Variants in CLNS1A observed in about 807,000 individuals in gnomAD.
CLNS1A encodes the protein chloride nucleotide-sensitive channel 1A.
A neutral mutation model predicts 29.4 loss-of-function variants in CLNS1A; 16 were observed. That is an observed-to-expected ratio of 0.54 (90% confidence interval 0.37 to 0.83). The LOEUF is 0.83. Among genes scored for constraint, CLNS1A ranks in the 40% least tolerant of loss-of-function variants. CLNS1A has a pLI of 0.00. For missense variants in CLNS1A, 235 were observed against 287.4 expected (o/e 0.82, Z 1.32); for synonymous variants, 96 against 104.8 (o/e 0.92, Z 0.51).
At chr11:77,626,121 C>CT (rs999152741) in intron 2 of CLNS1A, among the ~76,000 whole-genome samples, 1 of 151,990 alleles carries the variant, frequency 6.6e-6, no homozygotes, top group Non-Finnish European at 1.5e-5. Context: ...TAAGGGTCAA[C>CT]TTTTTTTTCT....
intron 3 of CLNS1A, 68 bp downstream of exon 3, chr11:77,625,649 G>C: frequency 1.8e-6 from 2 of 1,083,256 alleles, no homozygotes; most frequent in South Asian, 3.2e-5. Context: ...GTGTGTGTAT[G>C]TGTGTGTGTG....
intron 5 of CLNS1A, among the ~76,000 whole-genome samples, chr11:77,621,598 G>T (rs1180835901): frequency 6.6e-6 from 1 of 152,068 alleles, no homozygotes; most frequent in Non-Finnish European, 1.5e-5. Flanking sequence ...AGCCAAGATC[G>T]TGCCATTGCA....
chr11:77,629,981 G>T, intron 1 of CLNS1A, 82 bp from the exon 2 acceptor site: 1 of 1,294,000 alleles, frequency 7.7e-7, no homozygotes. Flanking sequence ...GTTCAGCTTG[G>T]ACACCTTTAT....
At chr11:77,617,178 A>C (rs1274465756) in intron 6 of CLNS1A, among the ~76,000 whole-genome samples, 1 of 151,878 alleles carries the variant, frequency 6.6e-6, no homozygotes, top group Non-Finnish European at 1.5e-5. Context: ...GACCAGCCTT[A>C]CCAAACATGG....
In CLNS1A at chr11:77,624,988, T is replaced by C. The variant is rs1489004003; in HGVS notation, c.447A>G (p.Gly149=). Residue 149 remains glycine (G), a synonymous_variant, in exon 4 of 7, where the codon GGA becomes GGG. Transcript: ENST00000525428. ...CATGTGCTTCCACATCATATTCTTCTCCATCGTAGTCATCTGAATCCTCAT... is the reference window on the plus strand; with the variant it reads ...CATGTGCTTCCACATCATATTCTTCCCCATCGTAGTCATCTGAATCCTCAT... The part of the protein sequence containing the change: ...PEDEDSDDYD[G]EEYDVEAHEQ... 1.1e-5 allele frequency: 18 copies of C among 1,612,800 alleles called. No homozygotes were observed. The highest frequency in any genetic ancestry group is 1.5e-5 in the Non-Finnish European group (18 of 1,179,150).
chr11:77,622,012 ATCTC>A (rs1958963213), intron 5 of CLNS1A: 1 of 456,032 alleles, frequency 2.2e-6, no homozygotes, highest in African/African-American at 2.0e-5. Context: ...ATTTCTTAAA[ATCTC>A]TCTCTTGCTT....
intron 6 of CLNS1A, 140 bp downstream of exon 6, chr11:77,619,466 G>A (rs1383753793): frequency 1.6e-6 from 1 of 634,132 alleles, no homozygotes; most frequent in Non-Finnish European, 2.8e-6. Flanking sequence ...CAAGGCTGTA[G>A]TGAGCTAGGA....
At chr11:77,617,572 G>C (rs1351630343) in intron 6 of CLNS1A, among the ~76,000 whole-genome samples, 1 of 151,344 alleles carries the variant, frequency 6.6e-6, no homozygotes, top group East Asian at 1.9e-4. Context: ...ACATTGTTCG[G>C]AATTCAGATC....
At chr11:77,632,560 G>T (rs1272797661) in intron 1 of CLNS1A, among the ~76,000 whole-genome samples, 2 of 151,922 alleles carry the variant, frequency 1.3e-5, no homozygotes, top group Non-Finnish European at 1.5e-5. Flanking sequence ...CTGGGATTAT[G>T]CATTCTATAG....
intron 1 of CLNS1A, among the ~76,000 whole-genome samples, chr11:77,631,587 G>A (rs1028483894): frequency 6.6e-6 from 1 of 151,464 alleles, no homozygotes; most frequent in Non-Finnish European, 1.5e-5. Context: ...AAAGTGCTGG[G>A]ATTATAGGCA....
At chr11:77,629,433 G>A (rs1590801419) in intron 2 of CLNS1A, among the ~76,000 whole-genome samples, 1 of 147,718 alleles carries the variant, frequency 6.8e-6, no homozygotes, top group South Asian at 2.1e-4. Context: ...TCACTTTGTC[G>A]CCCAGGCTGG....
At chr11:77,617,952 G>A (rs1034877632) in intron 6 of CLNS1A, among the ~76,000 whole-genome samples, 2 of 151,178 alleles carry the variant, frequency 1.3e-5, no homozygotes, top group African/African-American at 4.9e-5. Flanking sequence ...AAAAAAAACC[G>A]TTATGAATAA....
At chr11:77,619,445 T>A (rs541879945) in intron 6 of CLNS1A, 161 bp downstream of exon 6, 1 of 582,732 alleles carries the variant, frequency 1.7e-6, no homozygotes, top group East Asian at 3.0e-5. Context: ...GGCAGGTGGA[T>A]TGCTTGAGTT....
At chr11:77,626,174 C>G (rs955145274) in intron 2 of CLNS1A, among the ~76,000 whole-genome samples, 2 of 152,146 alleles carry the variant, frequency 1.3e-5, no homozygotes, top group Non-Finnish European at 2.9e-5. Flanking sequence ...ACACCCTTGC[C>G]CTCTCAGGCC....
At chr11:77,622,333 T>G in intron 5 of CLNS1A, 167 bp downstream of exon 5, 2 of 637,286 alleles carry the variant, frequency 3.1e-6, no homozygotes, top group Non-Finnish European at 5.1e-6. Context: ...AAAAAATCAC[T>G]AAAAACAAAT....
chr11:77,627,102 T>C (rs1307827147), intron 2 of CLNS1A, among the ~76,000 whole-genome samples: 1 of 151,342 alleles, frequency 6.6e-6, no homozygotes, highest in Non-Finnish European at 1.5e-5. Context: ...GAAAATATGA[T>C]TCAAGCACAT....
intron 1 of CLNS1A, among the ~76,000 whole-genome samples, chr11:77,631,340 T>TA (rs1959071622): frequency 6.6e-6 from 1 of 151,504 alleles, no homozygotes; most frequent in Admixed American, 6.6e-5. Context: ...TTTTTTTTTT[T>TA]AGACAGAGTC....
Position 77,629,895 on chromosome 11 carries a change from G to A in CLNS1A, c.130C>T (p.Leu44=). Residue 44 remains leucine, a synonymous_variant, in exon 2 of 7, where the codon CTG becomes TTG. Transcript: ENST00000525428. ...TGTLYIAESR[L]SWLDGSGLGF... The stretch of plus-strand genomic sequence containing the variant: ...AATCCAGAGCCATCTAACCAAGACA[G>A]GCGGCTGAAAAACATGTTTTAAGTA... 6.2e-7 allele frequency: 1 copy of A among 1,613,776 alleles called. No individual in the cohort carries two copies.
At chr11:77,625,488 A>T in intron 3 of CLNS1A, 1 of 500,690 alleles carries the variant, frequency 2.0e-6, no homozygotes, top group Non-Finnish European at 3.5e-6. Flanking sequence ...CTCACAAAAT[A>T]TACCCAGATG....
Sources: gnomAD v4.1 joint callset for allele counts (sites outside exome capture counted in the v4.1 genomes callset) on GRCh38, gnomAD v4.1.1 for gene constraint, MANE v1.5 for transcripts, NCBI Gene and HGNC (gene_info 2026-07-23, HGNC 2026-07-21) for gene names.